Variants in SCAPER observed in about 807,000 individuals in gnomAD.
SCAPER encodes the protein S-phase cyclin A associated protein in the ER.
Under a neutral mutation model 182.2 loss-of-function variants are expected in SCAPER, and 98 were observed. That is an observed-to-expected ratio of 0.54 (90% CI 0.46 to 0.64). The LOEUF (loss-of-function observed/expected upper bound fraction) is 0.64. SCAPER is among the 30% of genes least tolerant of loss of function. The pLI is 0.00. For missense variants in SCAPER, 1,432 were observed against 1,690.0 expected, an observed-to-expected ratio of 0.85 and a Z score of 2.68; for synonymous variants, 605 against 564.6, an observed-to-expected ratio of 1.07 and a Z score of -1.01.
chr15:76,527,452 T>C (rs114892172), intron 23 of SCAPER, among the ~76,000 whole-genome samples: 1 of 152,224 alleles, frequency 6.6e-6, no homozygotes, highest in East Asian at 1.9e-4. Flanking sequence ...ACTGAAGATA[T>C]TGCAGATACA....
chr15:76,611,653 T>C (rs929887370), intron 22 of SCAPER, among the ~76,000 whole-genome samples: 6 of 152,168 alleles, frequency 3.9e-5, no homozygotes, highest in Non-Finnish European at 8.8e-5. Context: ...ACATCCATGA[T>C]GAACACTGAT....
Position 76,574,299 on chromosome 15 carries a change from G to A in SCAPER, c.2712-15C>T, listed in dbSNP as rs758132987. On this transcript the variant is annotated splice_polypyrimidine_tract_variant and intron_variant, in intron 22 of 31. Coordinates refer to ENST00000563290, the MANE Select transcript of SCAPER (RefSeq NM_020843.4). ...ATCGCTGAAGCCTTTAATACCAAAT[G>A]AAAGGAAAGAATGACATTAATGAAA... 8.7e-6 allele frequency: 14 copies of A among 1,607,458 alleles called. No individual in the cohort carries two copies. Among genetic ancestry groups the A allele is most frequent in the African/African-American group, 1.3e-5 (1 of 74,866 alleles).
In SCAPER at chr15:76,619,514, G is replaced by T. The variant is rs190435273; in HGVS notation, c.2711+2250C>A. 3.5e-3 allele frequency among the ~76,000 whole-genome samples: 530 copies of T among 152,216 alleles called. 6 individuals are homozygous for T. Among genetic ancestry groups the T allele is most frequent in the African/African-American group, 0.012 (492 of 41,530 alleles). ...GCCAAACTATTTTTCCAAGGTAGTT[G>T]TATCATTTTATATTCCCATCTTTTA... On this transcript the variant is annotated intron_variant, in intron 22 of 31. Coordinates refer to ENST00000563290, the MANE Select transcript of SCAPER (RefSeq NM_020843.4).
intron 24 of SCAPER, among the ~76,000 whole-genome samples, chr15:76,491,280 G>A (rs1434806261): frequency 6.6e-6 from 1 of 152,050 alleles, no homozygotes; most frequent in African/African-American, 2.4e-5. Flanking sequence ...TCTCAAGATT[G>A]CTGTTACATT....
At chr15:76,651,191 T>C (rs2055005496) in intron 21 of SCAPER, among the ~76,000 whole-genome samples, 1 of 151,688 alleles carries the variant, frequency 6.6e-6, no homozygotes, top group East Asian at 1.9e-4. Context: ...AAAAATCAAA[T>C]GCAGCAAAAA....
At position 76,778,532 on chromosome 15, in the gene SCAPER, C is replaced by T. The variant is rs113085033; in HGVS notation, c.773-3415G>A. ...CAGAAAACATAAATAATAAAATGAA[C>T]AGATTTATCAATAATTACCTTAAAT... On this transcript the variant is annotated intron_variant, in intron 8 of 31. Transcript: ENST00000563290. Among the ~76,000 whole-genome samples, 1,200 of 151,988 alleles carry T rather than the reference C, an allele frequency of 7.9e-3. 11 individuals are homozygous for T. The highest frequency in any genetic ancestry group is 0.028 in the African/African-American group (1,141 of 41,452).
At chr15:76,534,790 A>G (rs2043993038) in intron 23 of SCAPER, among the ~76,000 whole-genome samples, 1 of 152,146 alleles carries the variant, frequency 6.6e-6, no homozygotes, top group African/African-American at 2.4e-5. Context: ...ACTCTATTAT[A>G]ATTACAAATT....
At chr15:76,598,919 C>T (rs2049709138) in intron 22 of SCAPER, among the ~76,000 whole-genome samples, 1 of 116,880 alleles carries the variant, frequency 8.6e-6, no homozygotes, top group Non-Finnish European at 2.1e-5. Flanking sequence ...CACATTTATC[C>T]CAGAAATTAA....
chr15:76,515,358 T>C (rs900471042), intron 23 of SCAPER, among the ~76,000 whole-genome samples: 6 of 152,320 alleles, frequency 3.9e-5, no homozygotes, highest in East Asian at 1.9e-4. Flanking sequence ...CTTTTTAAGC[T>C]GTTGGGAGAT....
chr15:76,873,571 A>C (rs1298732298), intron 2 of SCAPER, among the ~76,000 whole-genome samples: 1 of 152,198 alleles, frequency 6.6e-6, no homozygotes. Context: ...AGTAAAATTG[A>C]AATAAGAGAA....
chr15:76,656,839 T>C (rs182482458), intron 21 of SCAPER, among the ~76,000 whole-genome samples: 1 of 152,226 alleles, frequency 6.6e-6, no homozygotes, highest in East Asian at 1.9e-4. Flanking sequence ...AAGAAATTAT[T>C]TGAAACTAAT....
chr15:76,372,228 C>T (rs2042233139), intron 29 of SCAPER, among the ~76,000 whole-genome samples: 1 of 152,170 alleles, frequency 6.6e-6, no homozygotes, highest in Non-Finnish European at 1.5e-5. Flanking sequence ...ATGAGCTTAC[C>T]TCTCACCAAG....
chr15:76,881,118 C>T (rs1316416692), intron 2 of SCAPER, among the ~76,000 whole-genome samples: 2 of 152,172 alleles, frequency 1.3e-5, no homozygotes, highest in African/African-American at 4.8e-5. Context: ...TTTTTGGAGA[C>T]AGAGTCTTGC....
intron 31 of SCAPER, 32 bp from the exon 32 acceptor site, chr15:76,348,768 A>G: frequency 7.7e-7 from 1 of 1,297,614 alleles, no homozygotes; most frequent in Non-Finnish European, 1.1e-6. Flanking sequence ...AAAAAGTTAA[A>G]TAAAAGAGGG....
intron 30 of SCAPER, among the ~76,000 whole-genome samples, chr15:76,352,185 T>A (rs1014046822): frequency 1.6e-4 from 25 of 152,180 alleles, no homozygotes; most frequent in Non-Finnish European, 5.9e-5. Flanking sequence ...ATCATCTCCC[T>A]GAAGTCCCTA....
At chr15:76,644,729 T>C (rs2054401869) in intron 21 of SCAPER, among the ~76,000 whole-genome samples, 1 of 152,188 alleles carries the variant, frequency 6.6e-6, no homozygotes, top group South Asian at 2.1e-4. Flanking sequence ...TTTAAAATTT[T>C]TGTAATTGCC....
At chr15:76,518,971 C>T (rs2042646579) in intron 23 of SCAPER, among the ~76,000 whole-genome samples, 2 of 152,162 alleles carry the variant, frequency 1.3e-5, no homozygotes, top group African/African-American at 4.8e-5. Context: ...TAGAGCTACT[C>T]TGTGCTGCTA....
intron 25 of SCAPER, among the ~76,000 whole-genome samples, chr15:76,442,474 G>A (rs2047682716): frequency 6.6e-6 from 1 of 152,170 alleles, no homozygotes; most frequent in African/African-American, 2.4e-5. Context: ...ACTGTCCTGG[G>A]AGGCCTGAGT....
chr15:76,846,441 A>G (rs1232545351), intron 4 of SCAPER, among the ~76,000 whole-genome samples: 1 of 152,222 alleles, frequency 6.6e-6, no homozygotes, highest in East Asian at 1.9e-4. Context: ...AATATTTGCA[A>G]ACTACCCATC....
Sources: gnomAD v4.1 joint callset for allele counts (sites outside exome capture counted in the v4.1 genomes callset) on GRCh38, gnomAD v4.1.1 for gene constraint, MANE v1.5 for transcripts, NCBI Gene and HGNC (gene_info 2026-07-23, HGNC 2026-07-21) for gene names.